Variants in RAB3C observed in about 807,000 individuals in gnomAD.
RAB3C encodes the protein ras-related protein Rab-3C.
RAB3C carries 17 observed loss-of-function variants against 26.4 expected under a neutral mutation model. The observed-to-expected ratio is 0.64, with a 90% confidence interval of 0.44 to 0.97. The LOEUF is 0.97. Among genes scored for constraint, RAB3C ranks in the 50% least tolerant of loss-of-function variants. The probability of loss-of-function intolerance (pLI) is 0.00; values close to 1 mark genes in which losing one functional copy is unlikely to be tolerated. For missense variants in RAB3C, 242 were observed against 281.9 expected (o/e 0.86, Z 1.01); for synonymous variants, 91 against 95.9 (o/e 0.95, Z 0.30).
intron 3 of RAB3C, among the ~76,000 whole-genome samples, chr5:58,813,622 A>ATATATG (rs1743143168): frequency 4.7e-5 from 1 of 21,242 alleles, no homozygotes; most frequent in Non-Finnish European, 1.8e-4. Flanking sequence ...ATATATATAT[A>ATATATG]TATATATATA....
chr5:58,735,792 T>C (rs2545789), intron 3 of RAB3C, among the ~76,000 whole-genome samples: 84,671 of 152,040 alleles, frequency 0.56, 23,886 homozygotes, highest in East Asian at 0.62. Flanking sequence ...CTTGCACCCT[T>C]GTGTGTCAGC....
At chr5:58,609,099 T>G (rs1455388820) in intron 1 of RAB3C, among the ~76,000 whole-genome samples, 1 of 152,076 alleles carries the variant, frequency 6.6e-6, no homozygotes, top group East Asian at 1.9e-4. Context: ...AAATGACGTG[T>G]TAATGGGTGC....
At chr5:58,736,484 G>T (rs955179019) in intron 3 of RAB3C, among the ~76,000 whole-genome samples, 2 of 152,158 alleles carry the variant, frequency 1.3e-5, no homozygotes, top group African/African-American at 2.4e-5. Flanking sequence ...CCTCTGAGCA[G>T]CCCGCTCTGC....
At chr5:58,780,344 C>T (rs1291046369) in intron 3 of RAB3C, among the ~76,000 whole-genome samples, 1 of 152,112 alleles carries the variant, frequency 6.6e-6, no homozygotes, top group Admixed American at 6.5e-5. Context: ...TCCTGAAAAT[C>T]AAAGCATTGT....
At chr5:58,813,586 TTATATTTATATATA>T (rs1743133739) in intron 3 of RAB3C, among the ~76,000 whole-genome samples, 1 of 41,334 alleles carries the variant, frequency 2.4e-5, no homozygotes, top group African/African-American at 9.3e-5. Flanking sequence ...TAATTTATAT[TTATATTTATATATA>T]TATATATATA....
At chr5:58,715,376 T>C (rs1749149174) in intron 2 of RAB3C, among the ~76,000 whole-genome samples, 1 of 152,112 alleles carries the variant, frequency 6.6e-6, no homozygotes, top group African/African-American at 2.4e-5. Flanking sequence ...TTTTTTCTTT[T>C]GCTTTGACTG....
At chr5:58,711,020 A>G (rs1014647460) in intron 2 of RAB3C, among the ~76,000 whole-genome samples, 10 of 152,210 alleles carry the variant, frequency 6.6e-5, no homozygotes, top group Non-Finnish European at 1.2e-4. Flanking sequence ...AAGCAATCAT[A>G]AAAATAAGAA....
chr5:58,632,476 T>C (rs2111750974), intron 2 of RAB3C, among the ~76,000 whole-genome samples: 1 of 152,348 alleles, frequency 6.6e-6, no homozygotes, highest in African/African-American at 2.4e-5. Flanking sequence ...GAGAAACAGT[T>C]CATCCTGTCA....
At chr5:58,800,178 A>G (rs1237034587) in intron 3 of RAB3C, among the ~76,000 whole-genome samples, 1 of 152,198 alleles carries the variant, frequency 6.6e-6, no homozygotes, top group African/African-American at 2.4e-5. Context: ...TTTGAGCCAG[A>G]TTCTTATTTA....
intron 2 of RAB3C, among the ~76,000 whole-genome samples, chr5:58,659,453 C>T (rs1461372562): frequency 2.0e-5 from 3 of 152,086 alleles, no homozygotes; most frequent in Non-Finnish European, 4.4e-5. Flanking sequence ...TCCCTTTCGC[C>T]CCAGAGGAAA....
intron 3 of RAB3C, among the ~76,000 whole-genome samples, chr5:58,759,428 G>C (rs1008179946): frequency 6.6e-6 from 1 of 152,204 alleles, no homozygotes; most frequent in African/African-American, 2.4e-5. Context: ...GTTCACCACT[G>C]TCTGCCTCCC....
intron 2 of RAB3C, among the ~76,000 whole-genome samples, chr5:58,724,770 C>T (rs938603904): frequency 4.0e-5 from 6 of 151,468 alleles, no homozygotes; most frequent in Non-Finnish European, 8.9e-5. Context: ...AGCAACTTAT[C>T]CTAGATCACA....
chr5:58,742,278 G>A (rs76421467), intron 3 of RAB3C, among the ~76,000 whole-genome samples: 79 of 152,216 alleles, frequency 5.2e-4, no homozygotes, highest in Non-Finnish European at 9.4e-4. Flanking sequence ...GAAGTTAAAC[G>A]TAGTGCTAAG....
At chr5:58,680,122 G>A (rs1179445109) in intron 2 of RAB3C, among the ~76,000 whole-genome samples, 1 of 152,102 alleles carries the variant, frequency 6.6e-6, no homozygotes, top group Non-Finnish European at 1.5e-5. Context: ...ACAAATAAAA[G>A]AATCAAAGAA....
chr5:58,657,293 A>T (rs1358398951), intron 2 of RAB3C, among the ~76,000 whole-genome samples: 7 of 152,142 alleles, frequency 4.6e-5, no homozygotes, highest in Admixed American at 4.6e-4. Flanking sequence ...TGCAGTGTAT[A>T]CTGCTCAGGT....
chr5:58,732,969 T>C (rs1741058926), intron 3 of RAB3C, among the ~76,000 whole-genome samples: 1 of 152,196 alleles, frequency 6.6e-6, no homozygotes, highest in African/African-American at 2.4e-5. Flanking sequence ...TTGTCATCAT[T>C]CAGATTTTAG....
At chr5:58,821,682 A>G (rs1318534094) in intron 3 of RAB3C, among the ~76,000 whole-genome samples, 1 of 152,240 alleles carries the variant, frequency 6.6e-6, no homozygotes, top group Non-Finnish European at 1.5e-5. Context: ...TGAGATGTCC[A>G]GGTGGAATCA....
At chr5:58,794,293 G>T (rs1418915424) in intron 3 of RAB3C, 3 of 145,146 alleles carry the variant, frequency 2.1e-5, no homozygotes, top group African/African-American at 7.8e-5. Context: ...TCTTCAGACA[G>T]AATTTACAAT....
intron 2 of RAB3C, among the ~76,000 whole-genome samples, chr5:58,671,687 A>C (rs1344970008): frequency 6.6e-6 from 1 of 152,200 alleles, no homozygotes. Flanking sequence ...TTTCAAAACA[A>C]AATATAATTT....
Sources: allele counts gnomAD v4.1 joint callset (sites outside exome capture counted in the v4.1 genomes callset), GRCh38; gene constraint gnomAD v4.1.1; transcripts MANE v1.5; gene names NCBI Gene and HGNC (gene_info 2026-07-23, HGNC 2026-07-21).